The following ASB10 variants were observed in gnomAD, a reference collection of about 807,000 sequenced individuals.
ASB10 encodes ankyrin repeat and SOCS box protein 10.
In ASB10, 44 loss-of-function variants were observed where a neutral mutation model predicts 35.4. The ratio of observed to expected loss-of-function variants is 1.24; its 90% CI spans 0.98 to 1.60. ASB10 has a LOEUF of 1.60. ASB10 is among the 40% of genes most tolerant of loss of function. The pLI is 0.00. For missense variants in ASB10, 647 were observed against 634.3 expected, an observed-to-expected ratio of 1.02 and a Z score of -0.22; for synonymous variants, 294 against 280.4, an observed-to-expected ratio of 1.05 and a Z score of -0.49.
chr7:151,182,768 G>C (rs1226288555), intron 2 of ASB10, among the ~76,000 whole-genome samples: 1 of 152,070 alleles, frequency 6.6e-6, no homozygotes, highest in Non-Finnish European at 1.5e-5. Context: ...TTCCGAGGTG[G>C]TTGTGAGCAG....
chr7:151,176,486 T>TG, intron 4 of ASB10, 77 bp downstream of exon 4: 6 of 1,491,502 alleles, frequency 4.0e-6, no homozygotes, highest in Middle Eastern at 3.5e-4. Flanking sequence ...GTACTTTCTA[T>TG]GGGGGGCTGC....
At position 151,187,189 on chromosome 7, in the gene ASB10, G is replaced by C. The variant is rs965715305; in HGVS notation, c.-59C>G. On this transcript the variant is annotated 5_prime_UTR_variant, in exon 1 of 6. Coordinates refer to ENST00000420175, the MANE Select transcript of ASB10 (RefSeq NM_001142459.2). This position sits in a 1 kb window ranked among gnomAD's most constrained non-coding sequence, Gnocchi z 5.3. ...GGTATATGCCAAAGGCAGAGAGAGA[G>C]AGAGAGAGCAGGAGGGAAATACAGA... 1.3e-6 allele frequency: 2 copies of C among 1,550,430 alleles called. No homozygotes were observed. The highest frequency in any genetic ancestry group is 1.7e-6 in the Non-Finnish European group (2 of 1,146,612).
chr7:151,181,547 C>A (rs1187364748), intron 2 of ASB10, 89 bp from the exon 3 acceptor site: 6 of 1,451,900 alleles, frequency 4.1e-6, no homozygotes, highest in Admixed American at 5.2e-5. Flanking sequence ...TGTCTCCCCC[C>A]ACCCACCCTC....
At position 151,178,709 on chromosome 7, in the gene ASB10, G is replaced by A. The variant is rs181303262; in HGVS notation, c.1105-2033C>T. Among the ~76,000 whole-genome samples, 333 of 152,308 alleles carry A rather than the reference G, an allele frequency of 2.2e-3. 1 individual carries two copies. Among genetic ancestry groups the A allele is most frequent in the African/African-American group, 7.4e-3 (308 of 41,572 alleles). ...GTACCAATGAGCAGTGGGAGCAGAA[G>A]GCCTGGCCTTCCAGGGGTCCCTGGA... On this transcript the variant is annotated intron_variant, in intron 3 of 5. Transcript: ENST00000420175.
Position 151,181,403 on chromosome 7 carries a change from C to A in ASB10, c.640G>T (p.Glu214Ter), listed in dbSNP as rs757199807. 80 of 1,611,282 alleles carry A rather than the reference C, an allele frequency of 5.0e-5. No individual in the cohort carries two copies. The East Asian group carries it at 1.7e-3, about 35-fold the overall frequency. Residue 214 changes from glutamate to a stop codon, truncating the protein, a stop_gained, in exon 3 of 6, where the codon GAA becomes TAA. Transcript: ENST00000420175. LOFTEE classifies it high-confidence loss of function. ...GARVDGRSEE[E>*]EETPLHVAAR... ...GCCACATGCAAAGGGGTCTCCTCTT[C>A]TTCCTCGGACCGACCATCCACTCTC...
Position 151,181,005 on chromosome 7 carries a change from G to C in ASB10, c.1038C>G (p.Pro346=). Residue 346 remains proline (P), a synonymous_variant, in exon 3 of 6, where the codon CCC becomes CCG. Coordinates refer to ENST00000420175, the MANE Select transcript of ASB10 (RefSeq NM_001142459.2). Reference sequence around the variant, plus strand: ...TGAGCAGAGCCCGAACCACGTGCTCGGGGCTCTGGGCCAGGGCTGCAGCTG... The same window carrying C: ...TGAGCAGAGCCCGAACCACGTGCTCCGGGCTCTGGGCCAGGGCTGCAGCTG... ...QGPAAALAQS[P]EHVVRALLNH... is the part of the protein sequence containing the mutation. 6.2e-7 allele frequency: 1 copy of C among 1,601,086 alleles called. No individual in the cohort carries two copies. Among genetic ancestry groups the C allele is most frequent in the South Asian group, 1.1e-5 (1 of 90,754 alleles).
intron 3 of ASB10, among the ~76,000 whole-genome samples, chr7:151,178,399 G>A (rs945160035): frequency 1.1e-4 from 16 of 152,242 alleles, no homozygotes; most frequent in South Asian, 2.1e-4. Flanking sequence ...GACCGTCCAC[G>A]TGGTCAGAAA....
chr7:151,187,783 A>G, upstream of ASB10: 1 of 1,443,352 alleles, frequency 6.9e-7, no homozygotes, highest in Non-Finnish European at 9.1e-7. The surrounding 1 kb of genome is among the most constrained non-coding windows in gnomAD (Gnocchi z 5.3). Flanking sequence ...TGGACTGGGC[A>G]GGTGGGTGCT....
In ASB10 at chr7:151,186,899, T is replaced by A; in HGVS notation, c.232A>T (p.Ser78Cys). ...ACGGAATCAGGAGCCAGGCCAGTACTGGAGTCCGCGAGGATGCGGGAGACA... is the reference window on the plus strand; with the variant it reads ...ACGGAATCAGGAGCCAGGCCAGTACAGGAGTCCGCGAGGATGCGGGAGACA... ...GCVSRILADSSTGLAPDSVFD... is the reference protein window; with the variant it reads ...GCVSRILADSCTGLAPDSVFD... The change falls in exon 1 of 6, where the codon AGT (serine) becomes TGT (cysteine). Residue 78 changes from serine to cysteine, a missense_variant. By Grantham distance (112) the Ser-to-Cys change is moderately radical. Transcript: ENST00000420175. The A allele has an allele frequency of 6.2e-7, 1 of 1,613,968 alleles. No homozygotes were observed. The highest frequency in any genetic ancestry group is 8.5e-7 in the Non-Finnish European group (1 of 1,180,012).
chr7:151,186,652 C>T lies in ASB10; in HGVS notation c.324G>A (p.Trp108Ter), dbSNP rs1801601050. The change falls in exon 2 of 6, where the codon TGG (tryptophan) becomes TGA (stop). Residue 108 changes from tryptophan to a stop codon, truncating the protein, a stop_gained. Transcript: ENST00000420175. LOFTEE classifies it high-confidence loss of function. The part of the protein sequence containing the change: ...FRFNIRALRL[W>*]SLTYEEELTT... ...TCAGCTCCTCTTCGTATGTCAGAGACCAGAGTCCTAGGGAGGGGAGACGTG... is the reference window on the plus strand; with the variant it reads ...TCAGCTCCTCTTCGTATGTCAGAGATCAGAGTCCTAGGGAGGGGAGACGTG... 1 of 1,608,058 alleles carries T rather than the reference C, an allele frequency of 6.2e-7. No homozygotes were observed. Among genetic ancestry groups the T allele is most frequent in the African/African-American group, 1.3e-5 (1 of 74,868 alleles).
chr7:151,183,962 C>T (rs1801540287), intron 2 of ASB10, among the ~76,000 whole-genome samples: 1 of 152,110 alleles, frequency 6.6e-6, no homozygotes, highest in African/African-American at 2.4e-5. Context: ...ATTAATTTAA[C>T]CTGCTTCAAA....
chr7:151,181,015 G>A lies in ASB10; in HGVS notation c.1028C>T (p.Ala343Val), dbSNP rs750721454. Residue 343 changes from alanine (A) to valine (V), a missense_variant, in exon 3 of 6, where the codon GCC becomes GTC. Transcript: ENST00000420175. ...CALQGPAAAL[A>V]QSPEHVVRAL... is the part of the protein sequence containing the mutation. ...CCGAACCACGTGCTCGGGGCTCTGG[G>A]CCAGGGCTGCAGCTGGGCCCTGCAG... is the stretch of plus-strand genomic sequence containing the variant. The A allele has an allele frequency of 1.2e-6, 2 of 1,605,524 alleles. No individual in the cohort carries two copies. The highest frequency in any genetic ancestry group is 1.7e-6 in the Non-Finnish European group (2 of 1,174,836).
rs768941255 is a variant in ASB10 at position 151,181,340 on chromosome 7, G to C, written c.703C>G (p.Leu235Val). Reference sequence around the variant, plus strand: ...GCATCAGGACATGCCCCCCGTCTTAGAAGCAGATCTGCCAGCTCCACATGG... The same window carrying C: ...GCATCAGGACATGCCCCCCGTCTTACAAGCAGATCTGCCAGCTCCACATGG... The part of the protein sequence containing the change: ...LGHVELADLL[L>V]RRGACPDARN... The change falls in exon 3 of 6, where the codon CTA becomes GTA. Residue 235 changes from leucine to valine, a missense_variant. Coordinates refer to ENST00000420175, the MANE Select transcript of ASB10 (RefSeq NM_001142459.2). The C allele has an allele frequency of 1.9e-5, 31 of 1,613,246 alleles. No homozygotes were observed. Among genetic ancestry groups the C allele is most frequent in the Non-Finnish European group, 2.6e-5 (31 of 1,179,988 alleles).
At chr7:151,178,210 C>T (rs984609734) in intron 3 of ASB10, among the ~76,000 whole-genome samples, 9 of 152,136 alleles carry the variant, frequency 5.9e-5, no homozygotes, top group African/African-American at 1.4e-4. Context: ...GATCGTGCCA[C>T]GGCACGTGTG....
At chr7:151,182,828 G>A (rs545959845) in intron 2 of ASB10, among the ~76,000 whole-genome samples, 19 of 152,294 alleles carry the variant, frequency 1.2e-4, no homozygotes, top group African/African-American at 3.4e-4. Context: ...TCAAAATGAC[G>A]ACACTTGGCA....
At chr7:151,183,352 C>T (rs1801528974) in intron 2 of ASB10, among the ~76,000 whole-genome samples, 1 of 152,186 alleles carries the variant, frequency 6.6e-6, no homozygotes, top group Admixed American at 6.5e-5. Flanking sequence ...CTGCAGTGAG[C>T]TATGAACGTA....
chr7:151,177,684 C>T (rs1801414202), intron 3 of ASB10, among the ~76,000 whole-genome samples: 1 of 152,144 alleles, frequency 6.6e-6, no homozygotes, highest in South Asian at 2.1e-4. Flanking sequence ...GGAGGGTATT[C>T]AGGGAGAAGG....
chr7:151,186,800 T>G lies in ASB10; in HGVS notation c.316+15A>C. 1 of 1,563,074 alleles carries G rather than the reference T, an allele frequency of 6.4e-7. No homozygotes were observed. Among genetic ancestry groups the G allele is most frequent in the Non-Finnish European group, 8.7e-7 (1 of 1,150,466 alleles). On this transcript the variant is annotated intron_variant, in intron 1 of 5. Transcript: ENST00000420175. ...CCTCTCTCCCACTGAGAGCCCCCAG[T>G]GCCCCGGCCCGTACTCAGAGCACGG...
At chr7:151,187,492 C>T (rs1801624269), upstream of ASB10, 4 of 1,551,330 alleles carry the variant, frequency 2.6e-6, no homozygotes, top group Middle Eastern at 1.7e-4. This position sits in a 1 kb window ranked among gnomAD's most constrained non-coding sequence, Gnocchi z 5.3. Context: ...CGGCCCGGCT[C>T]TCCAGCAGCA....
Sources: gnomAD v4.1 joint callset for allele counts (sites outside exome capture counted in the v4.1 genomes callset) on GRCh38, gnomAD v4.1.1 for gene constraint, Gnocchi (gnomAD v3.1) non-coding constraint, MANE v1.5 for transcripts, NCBI Gene and HGNC (gene_info 2026-07-23, HGNC 2026-07-21) for gene names.